The following SLC12A1 variants were observed in gnomAD, a reference collection of about 807,000 sequenced individuals.
The protein encoded by SLC12A1 is Na-K-2Cl cotransporter.
In SLC12A1, 89 loss-of-function variants were observed where a neutral mutation model predicts 130.4. That is an observed-to-expected ratio of 0.68 (90% CI 0.58 to 0.81). The LOEUF is 0.81. Ranked by LOEUF, SLC12A1 falls within the 40% of genes least tolerant of loss-of-function variation. SLC12A1 has a pLI of 0.00. For synonymous variants in SLC12A1, 499 were observed against 460.0 expected (o/e 1.08, Z -1.09); for missense variants, 1,310 against 1,336.4 (o/e 0.98, Z 0.31).
chr15:48,225,580 G>A lies in SLC12A1; in HGVS notation c.629-896G>A, dbSNP rs538944174. 5 of 152,156 alleles carry A rather than the reference G, an allele frequency of 3.3e-5. No homozygotes were observed. In the South Asian group the frequency reaches 8.3e-4, roughly 25 times the overall value. 9.4% of individuals were successfully genotyped at this position (152,156 alleles called of 1,614,324 possible). On this transcript the variant is annotated intron_variant, in intron 4 of 26. Coordinates refer to ENST00000380993, the MANE Select transcript of SLC12A1 (RefSeq NM_000338.3). ...TCTCTAAAAATAATAATAATAATAA[G>A]ATGGGGTGCACATTAAATTTTGACC...
At chr15:48,295,000 C>T (rs890382303) in intron 24 of SLC12A1, among the ~76,000 whole-genome samples, 3 of 151,726 alleles carry the variant, frequency 2.0e-5, no homozygotes, top group African/African-American at 7.3e-5. Context: ...CAGCCTCTAA[C>T]TCCTGGGCTC....
Position 48,237,760 on chromosome 15 carries a change from C to T in SLC12A1, c.1215+2756C>T, listed in dbSNP as rs577707106. ...CAGACAATAGAGTTTGGATATTATC[C>T]CCAAACTAGCTAGAGACTCTACGGA... On this transcript the variant is annotated intron_variant, in intron 9 of 26. Transcript: ENST00000380993. 1.8e-4 allele frequency among the ~76,000 whole-genome samples: 27 copies of T among 152,062 alleles called. No individual in the cohort carries two copies. The East Asian group carries it at 5.2e-3, about 29-fold the overall frequency.
At chr15:48,263,058 T>C (rs2041793461) in intron 17 of SLC12A1, among the ~76,000 whole-genome samples, 1 of 152,232 alleles carries the variant, frequency 6.6e-6, no homozygotes, top group African/African-American at 2.4e-5. Context: ...GGGCACACTA[T>C]GTTCAGTTCT....
At chr15:48,286,389 AC>A (rs909202604) in intron 21 of SLC12A1, among the ~76,000 whole-genome samples, 2 of 152,228 alleles carry the variant, frequency 1.3e-5, no homozygotes, top group African/African-American at 4.8e-5. Context: ...CTACATCAGG[AC>A]TTTTAGGGTG....
At chr15:48,291,035 T>A (rs1393520666) in intron 23 of SLC12A1, among the ~76,000 whole-genome samples, 1 of 151,906 alleles carries the variant, frequency 6.6e-6, no homozygotes, top group Admixed American at 6.6e-5. Flanking sequence ...GTGCCTAATA[T>A]CTGCAACTGA....
chr15:48,251,790 G>T lies in SLC12A1; in HGVS notation c.1942+20G>T. On this transcript the variant is annotated intron_variant, in intron 15 of 26. Transcript: ENST00000380993. ...AGCCAGGTAAGATAATGACTGTCTG[G>T]AATAGCGTTTCCAAATCTCTCTCTA... 6.2e-7 allele frequency: 1 copy of T among 1,608,470 alleles called. No individual in the cohort carries two copies.
chr15:48,289,777 C>A (rs2042100737), intron 23 of SLC12A1, among the ~76,000 whole-genome samples: 1 of 152,076 alleles, frequency 6.6e-6, no homozygotes, highest in Non-Finnish European at 1.5e-5. Flanking sequence ...TGGGCACTTA[C>A]CATGAGTGGA....
At chr15:48,259,082 G>T in intron 16 of SLC12A1, 118 bp from the exon 17 acceptor site, 1 of 648,868 alleles carries the variant, frequency 1.5e-6, no homozygotes, top group Non-Finnish European at 2.8e-6. Flanking sequence ...CCAAAAAATA[G>T]ATAGGGGAGA....
rs1423332529 is a variant in SLC12A1 at position 48,240,069 on chromosome 15, A to C, written c.1216-1446A>C. Reference sequence around the variant, plus strand: ...TATATCCATATATATATATATATATATCCATATATATATATATATATCCAT... The same window carrying C: ...TATATCCATATATATATATATATATCTCCATATATATATATATATATCCAT... On this transcript the variant is annotated intron_variant, in intron 9 of 26. Transcript: ENST00000380993. Among the ~76,000 whole-genome samples the C allele has an allele frequency of 6.0e-3, 515 of 86,476 alleles. 43 individuals carry two copies. The highest frequency in any genetic ancestry group is 0.032 in the African/African-American group (488 of 15,456). The allele number at this position is 86,476 out of a possible 152,430, so 56.7% of individuals were successfully genotyped here. A position where few individuals can be genotyped will look rare whatever the true frequency, so the allele number is the denominator to read the frequency against.
chr15:48,289,107 A>AG (rs930506224), intron 23 of SLC12A1, among the ~76,000 whole-genome samples: 1 of 151,404 alleles, frequency 6.6e-6, no homozygotes, highest in African/African-American at 2.4e-5. Flanking sequence ...AAAAAAAAAA[A>AG]ATCCCACAGT....
At position 48,207,578 on chromosome 15, in the gene SLC12A1, G is replaced by A. The variant is rs2040996313; in HGVS notation, c.-142G>A. Reference sequence around the variant, plus strand: ...GATTATATCGGAGACAATATATCAAGAATCTATTTATTGAATCATCTAGAA... The same window carrying A: ...GATTATATCGGAGACAATATATCAAAAATCTATTTATTGAATCATCTAGAA... On this transcript the variant is annotated 5_prime_UTR_variant, in exon 2 of 27. Transcript: ENST00000380993. The A allele has an allele frequency of 9.0e-6, 5 of 557,264 alleles. No homozygotes were observed. The highest frequency in any genetic ancestry group is 1.5e-5 in the Non-Finnish European group (5 of 338,022). The allele number at this position is 557,264 out of a possible 1,614,324, so 34.5% of individuals were successfully genotyped here.
chr15:48,264,528 A>AT (rs946996979), intron 17 of SLC12A1, among the ~76,000 whole-genome samples: 14 of 152,044 alleles, frequency 9.2e-5, no homozygotes, highest in Non-Finnish European at 1.6e-4. Context: ...GATGCATCTT[A>AT]TTTTTTTTAT....
intron 26 of SLC12A1, 29 bp from the exon 27 acceptor site, chr15:48,302,721 A>T (rs1566863238): frequency 3.8e-6 from 6 of 1,570,418 alleles, no homozygotes; most frequent in African/African-American, 1.4e-5. Flanking sequence ...TTTCACTTTC[A>T]TTTTTAAATT....
Position 48,244,875 on chromosome 15 carries a change from T to C in SLC12A1, c.1423T>C (p.Cys475Arg). The change falls in exon 11 of 27, where the codon TGT (cysteine) becomes CGT (arginine). Residue 475 changes from cysteine (C) to arginine (R), a missense_variant. Cys to Arg is a radical substitution (Grantham distance 180). Coordinates refer to ENST00000380993, the MANE Select transcript of SLC12A1 (RefSeq NM_000338.3). ...YDFSRCRHEP[C>R]QYGLMNNFQV... ...CTTCTCAAGATGTCGACATGAACCA[T>C]GTCAGTACGGGCTGATGAACAATTT... 6.2e-7 allele frequency: 1 copy of C among 1,613,976 alleles called. No individual in the cohort carries two copies. The highest frequency in any genetic ancestry group is 8.5e-7 in the Non-Finnish European group (1 of 1,179,870).
intron 20 of SLC12A1, among the ~76,000 whole-genome samples, chr15:48,278,201 G>T (rs1224428): frequency 6.6e-6 from 1 of 152,304 alleles, no homozygotes; most frequent in South Asian, 2.1e-4. Flanking sequence ...CCGAGATCGC[G>T]CCACTGCACT....
In SLC12A1 at chr15:48,208,042, C is replaced by T. The variant is rs2041002963; in HGVS notation, c.323C>T (p.Ala108Val). 2 of 1,613,848 alleles carry T rather than the reference C, an allele frequency of 1.2e-6. No individual in the cohort carries two copies. The highest frequency in any genetic ancestry group is 8.5e-7 in the Non-Finnish European group (1 of 1,179,876). ...ACTTTTGGCCACAACACCATGGATG[C>T]CGTTCCCAAGATAGAGTACTATCGT... is the stretch of plus-strand genomic sequence containing the variant. ...LQTFGHNTMD[A>V]VPKIEYYRNT... is the part of the protein sequence containing the mutation. Residue 108 changes from alanine (A) to valine (V), a missense_variant, in exon 2 of 27, where the codon GCC (alanine) becomes GTC (valine). Coordinates refer to ENST00000380993, the MANE Select transcript of SLC12A1 (RefSeq NM_000338.3).
intron 17 of SLC12A1, among the ~76,000 whole-genome samples, chr15:48,263,294 CA>C (rs1472546485): frequency 6.6e-6 from 1 of 152,080 alleles, no homozygotes; most frequent in Non-Finnish European, 1.5e-5. Flanking sequence ...CATTATTGTC[CA>C]AAAACACGCC....
Position 48,244,907 on chromosome 15 carries a change from T to C in SLC12A1, c.1452+3T>C. 6.2e-7 allele frequency: 1 copy of C among 1,613,752 alleles called. No individual in the cohort carries two copies. The highest frequency in any genetic ancestry group is 8.5e-7 in the Non-Finnish European group (1 of 1,179,748). ...ACGGGCTGATGAACAATTTCCAGGT[T>C]TGAAGCAAAATTCAAAAATGTTCAC... On this transcript the variant is annotated splice_donor_region_variant and intron_variant, in intron 11 of 26. Transcript: ENST00000380993.
At chr15:48,256,222 C>T (rs2041705583) in intron 16 of SLC12A1, among the ~76,000 whole-genome samples, 1 of 152,234 alleles carries the variant, frequency 6.6e-6, no homozygotes. Context: ...ACACACATTA[C>T]TCTGCTATTG....
Sources: gnomAD v4.1 joint callset for allele counts (sites outside exome capture counted in the v4.1 genomes callset) on GRCh38, gnomAD v4.1.1 for gene constraint, MANE v1.5 for transcripts, NCBI Gene and HGNC (gene_info 2026-07-23, HGNC 2026-07-21) for gene names.